Variants in FHIT observed in about 807,000 individuals in gnomAD.
The protein encoded by FHIT is fragile histidine triad diadenosine triphosphatase.
FHIT carries 19 observed loss-of-function variants against 17.9 expected under a neutral mutation model. The ratio of observed to expected loss-of-function variants is 1.06; its 90% CI spans 0.74 to 1.56. FHIT has a LOEUF of 1.56. Among genes scored for constraint, FHIT ranks in the 40% most tolerant of loss-of-function variants. FHIT has a pLI of 0.00. For synonymous variants in FHIT, 81 were observed against 69.7 expected (o/e 1.16, Z -0.81); for missense variants, 248 against 189.2 (o/e 1.31, Z -1.82).
chr3:59,980,649 T>C (rs924676740), intron 7 of FHIT, among the ~76,000 whole-genome samples: 2 of 152,114 alleles, frequency 1.3e-5, no homozygotes, highest in South Asian at 2.1e-4. Context: ...GGATAGCTTG[T>C]CCCACAAGGA....
At chr3:60,056,744 A>G (rs1702099362) in intron 5 of FHIT, among the ~76,000 whole-genome samples, 1 of 152,242 alleles carries the variant, frequency 6.6e-6, no homozygotes, top group Non-Finnish European at 1.5e-5. Flanking sequence ...TTTTATCAAA[A>G]TGAAAAAGGT....
chr3:60,839,913 T>A (rs1405476273), intron 3 of FHIT, among the ~76,000 whole-genome samples: 3 of 152,224 alleles, frequency 2.0e-5, no homozygotes, highest in Non-Finnish European at 4.4e-5. Flanking sequence ...AGGGCTTATT[T>A]AACTACGTCT....
At chr3:60,079,377 A>G (rs1703174858) in intron 5 of FHIT, among the ~76,000 whole-genome samples, 1 of 152,074 alleles carries the variant, frequency 6.6e-6, no homozygotes, top group Non-Finnish European at 1.5e-5. Flanking sequence ...GAGTGGGAGG[A>G]TGAAAGCAAT....
intron 4 of FHIT, among the ~76,000 whole-genome samples, chr3:60,695,602 G>A (rs1311726677): frequency 6.6e-6 from 1 of 152,036 alleles, no homozygotes; most frequent in Non-Finnish European, 1.5e-5. Context: ...TGGCTGCTTT[G>A]GGAGGATCAG....
intron 3 of FHIT, among the ~76,000 whole-genome samples, chr3:61,027,860 A>T (rs868361087): frequency 6.6e-5 from 10 of 152,334 alleles, no homozygotes; most frequent in South Asian, 2.1e-4. Context: ...TATAAATTAC[A>T]TGTTACATGT....
At chr3:60,563,036 T>C (rs561509213) in intron 4 of FHIT, among the ~76,000 whole-genome samples, 2 of 152,264 alleles carry the variant, frequency 1.3e-5, no homozygotes, top group East Asian at 3.9e-4. Flanking sequence ...TGGCTAGCCT[T>C]TGGAAGTTTT....
At chr3:61,139,530 A>G (rs2037013831) in intron 2 of FHIT, among the ~76,000 whole-genome samples, 1 of 151,882 alleles carries the variant, frequency 6.6e-6, no homozygotes, top group Non-Finnish European at 1.5e-5. Flanking sequence ...TCTGCCTTTG[A>G]ATTTTTAGCT....
chr3:60,277,088 A>G (rs948529199), intron 5 of FHIT, among the ~76,000 whole-genome samples: 2 of 152,164 alleles, frequency 1.3e-5, no homozygotes, highest in African/African-American at 4.8e-5. Context: ...TGACATCTTA[A>G]TTACCTGCTG....
At chr3:60,860,544 GA>G (rs1344416802) in intron 3 of FHIT, among the ~76,000 whole-genome samples, 3 of 22,940 alleles carry the variant, frequency 1.3e-4, no homozygotes, top group African/African-American at 1.9e-4. Flanking sequence ...AGGTATATAT[GA>G]TACATATGTA....
chr3:60,635,070 A>G (rs1459900853), intron 4 of FHIT, among the ~76,000 whole-genome samples: 1 of 149,282 alleles, frequency 6.7e-6, no homozygotes, highest in African/African-American at 2.4e-5. Flanking sequence ...GTTTCCAATT[A>G]GCACCCTAAG....
intron 7 of FHIT, among the ~76,000 whole-genome samples, chr3:59,942,565 T>C (rs2107272578): frequency 6.6e-6 from 1 of 152,358 alleles, no homozygotes; most frequent in East Asian, 1.9e-4. Flanking sequence ...CTCACTTGGA[T>C]ATTCCTCCAG....
At chr3:60,578,340 C>G (rs2856019) in intron 4 of FHIT, among the ~76,000 whole-genome samples, 143,423 of 151,896 alleles carry the variant, frequency 0.94, 67,780 homozygotes, top group East Asian at 1. Flanking sequence ...AGGAGGCTGA[C>G]GCAGGAGAAT....
At chr3:60,686,139 T>C (rs1269479366) in intron 4 of FHIT, among the ~76,000 whole-genome samples, 2 of 152,194 alleles carry the variant, frequency 1.3e-5, no homozygotes, top group African/African-American at 4.8e-5. Flanking sequence ...TTGAAGATAT[T>C]GTTTCATTGT....
intron 4 of FHIT, among the ~76,000 whole-genome samples, chr3:60,791,667 G>C (rs955054001): frequency 6.6e-6 from 1 of 152,122 alleles, no homozygotes. Context: ...TAATACACCT[G>C]AGGCACCCAG....
intron 5 of FHIT, among the ~76,000 whole-genome samples, chr3:60,530,315 A>G (rs944456355): frequency 5.7e-4 from 87 of 152,288 alleles, no homozygotes; most frequent in African/African-American, 2.0e-3. Context: ...CAACATGTAC[A>G]TGCCTCAGGA....
intron 5 of FHIT, among the ~76,000 whole-genome samples, chr3:60,183,240 A>G: frequency 6.6e-6 from 1 of 152,054 alleles, no homozygotes; most frequent in Non-Finnish European, 1.5e-5. Flanking sequence ...TCTACTAAAA[A>G]TACAAAAATT....
intron 4 of FHIT, among the ~76,000 whole-genome samples, chr3:60,672,874 C>CGTGCGTGTGTGTGTGT (rs1553694318): frequency 1.7e-4 from 24 of 139,564 alleles, no homozygotes; most frequent in Admixed American, 7.2e-4. Flanking sequence ...CTCTTTGTAG[C>CGTGCGTGTGTGTGTGT]GTGTGTGTGT....
intron 5 of FHIT, among the ~76,000 whole-genome samples, chr3:60,155,497 A>G (rs1383955892): frequency 1.3e-5 from 2 of 152,164 alleles, no homozygotes; most frequent in East Asian, 1.9e-4. Flanking sequence ...AATTCTGACA[A>G]TAACACTGTT....
At position 60,175,620 on chromosome 3, in the gene FHIT, T is replaced by C. The variant is rs79912306; in HGVS notation, c.104-161468A>G. Among the ~76,000 whole-genome samples the C allele has an allele frequency of 2.5e-3, 381 of 152,190 alleles. 2 individuals carry two copies. The highest frequency in any genetic ancestry group is 8.6e-3 in the African/African-American group (359 of 41,526). ...CATACTTCAGAAAGGAGAGGTAAGATAGAAGATAAAAGCTGTGCACATTTA... is the reference window on the plus strand; with the variant it reads ...CATACTTCAGAAAGGAGAGGTAAGACAGAAGATAAAAGCTGTGCACATTTA... On this transcript the variant is annotated intron_variant, in intron 5 of 9. Transcript: ENST00000492590.
Sources: gnomAD v4.1 joint callset for allele counts (sites outside exome capture counted in the v4.1 genomes callset) on GRCh38, gnomAD v4.1.1 for gene constraint, MANE v1.5 for transcripts, NCBI Gene and HGNC (gene_info 2026-07-23, HGNC 2026-07-21) for gene names.